The following SLC8A1 variants were observed in gnomAD, a reference collection of about 807,000 sequenced individuals.
The protein encoded by SLC8A1 is solute carrier family 8 member A1, also known as sodium/calcium exchanger 1.
SLC8A1 carries 18 observed loss-of-function variants against 68.3 expected under a neutral mutation model. The observed-to-expected ratio is 0.26, with a 90% CI of 0.18 to 0.39. The LOEUF (loss-of-function observed/expected upper bound fraction) is 0.39. Ranked by LOEUF, SLC8A1 falls within the 10% of genes least tolerant of loss-of-function variation. The pLI, the probability that SLC8A1 is intolerant of heterozygous loss-of-function variation, is 1.00. For missense variants in SLC8A1, 985 were observed against 1,156.7 expected (o/e 0.85, Z 2.15); for synonymous variants, 475 against 415.5 (o/e 1.14, Z -1.74).
chr2:40,429,602 G>A, exon 2 of SLC8A1: 1 of 1,613,742 alleles, frequency 6.2e-7, no homozygotes, highest in Non-Finnish European at 8.5e-7. Context: ...ACAACACCAG[G>A]AGATATGACA....
chr2:40,216,967 T>C (rs2057589031), intron 2 of SLC8A1, among the ~76,000 whole-genome samples: 1 of 152,238 alleles, frequency 6.6e-6, no homozygotes, highest in African/African-American at 2.4e-5. Context: ...ACTCTGAGGA[T>C]AGTTTCTTTT....
intron 2 of SLC8A1, among the ~76,000 whole-genome samples, chr2:40,236,422 A>C (rs1038891776): frequency 9.5e-4 from 144 of 152,012 alleles, no homozygotes; most frequent in African/African-American, 3.0e-3. Context: ...AGGATTGCAA[A>C]CCCTGCCTTT....
chr2:40,377,805 A>G (rs773083755), intron 2 of SLC8A1, among the ~76,000 whole-genome samples: 22 of 152,124 alleles, frequency 1.4e-4, no homozygotes, highest in Non-Finnish European at 2.6e-4. Context: ...TATAGATGAC[A>G]AAGTAGAGCC....
chr2:40,367,740 G>A (rs186802966), intron 2 of SLC8A1, among the ~76,000 whole-genome samples: 26 of 152,044 alleles, frequency 1.7e-4, no homozygotes, highest in African/African-American at 5.8e-4. Context: ...ACAACATGTA[G>A]CGAGACAATA....
chr2:40,232,235 T>C (rs1000719089), intron 2 of SLC8A1, among the ~76,000 whole-genome samples: 3 of 152,054 alleles, frequency 2.0e-5, no homozygotes, highest in African/African-American at 7.2e-5. Flanking sequence ...TTCAAACTCT[T>C]AACTCTGGGC....
At chr2:40,329,602 C>A (rs897948772) in intron 2 of SLC8A1, among the ~76,000 whole-genome samples, 4 of 152,106 alleles carry the variant, frequency 2.6e-5, no homozygotes, top group Non-Finnish European at 5.9e-5. Context: ...TCCAATCAGC[C>A]CTATGACGTA....
chr2:40,127,968 G>A (rs1009453110), intron 7 of SLC8A1, among the ~76,000 whole-genome samples: 3 of 152,302 alleles, frequency 2.0e-5, no homozygotes, highest in Admixed American at 1.3e-4. Context: ...ACAATGCAAA[G>A]CATCTGATGG....
chr2:40,159,704 G>A (rs2045314690), intron 6 of SLC8A1, among the ~76,000 whole-genome samples: 2 of 152,224 alleles, frequency 1.3e-5, no homozygotes, highest in South Asian at 4.2e-4. Flanking sequence ...CTCCTGAGCA[G>A]TTACCCACCA....
At chr2:40,209,728 A>C (rs1309102223) in intron 2 of SLC8A1, among the ~76,000 whole-genome samples, 5 of 152,136 alleles carry the variant, frequency 3.3e-5, no homozygotes, top group Admixed American at 3.3e-4. Context: ...AGATGTGGTC[A>C]TGGGAGTCTG....
At chr2:40,317,518 C>G (rs534859945) in intron 2 of SLC8A1, among the ~76,000 whole-genome samples, 16 of 152,164 alleles carry the variant, frequency 1.1e-4, no homozygotes, top group Non-Finnish European at 2.4e-4. Flanking sequence ...ATTATAGGCT[C>G]ACTTGGTCTT....
chr2:40,235,142 T>C (rs1558881557), intron 2 of SLC8A1, among the ~76,000 whole-genome samples: 3 of 152,190 alleles, frequency 2.0e-5, no homozygotes, highest in East Asian at 1.9e-4. Context: ...TTCCCTCTTT[T>C]TCTATTGATT....
intron 2 of SLC8A1, among the ~76,000 whole-genome samples, chr2:40,285,710 T>C (rs903561235): frequency 1.3e-5 from 2 of 152,202 alleles, no homozygotes; most frequent in Admixed American, 1.3e-4. Context: ...TAGGGAAACT[T>C]GCAGTGCTTT....
intron 7 of SLC8A1, among the ~76,000 whole-genome samples, chr2:40,133,373 A>T (rs2039785745): frequency 8.0e-6 from 1 of 125,530 alleles, no homozygotes; most frequent in African/African-American, 3.1e-5. Flanking sequence ...TTTATTAAAA[A>T]GGTTCTATAT....
chr2:40,430,804 C>T (rs1408918562), intron 1 of SLC8A1, among the ~76,000 whole-genome samples: 1 of 152,064 alleles, frequency 6.6e-6, no homozygotes, highest in African/African-American at 2.4e-5. Flanking sequence ...CTTTGAAAAT[C>T]AGACTCCGAA....
intron 1 of SLC8A1, among the ~76,000 whole-genome samples, chr2:40,439,441 C>T (rs1469923092): frequency 6.6e-6 from 1 of 152,082 alleles, no homozygotes; most frequent in Non-Finnish European, 1.5e-5. Context: ...GCAGCCCCTA[C>T]TCTTTTTCTT....
chr2:40,342,822 C>T (rs924723463), intron 2 of SLC8A1, among the ~76,000 whole-genome samples: 1 of 152,152 alleles, frequency 6.6e-6, no homozygotes, highest in Non-Finnish European at 1.5e-5. Context: ...ACAGATCACT[C>T]ACTGCAAATA....
At chr2:40,273,100 G>A (rs1274203891) in intron 2 of SLC8A1, among the ~76,000 whole-genome samples, 2 of 152,076 alleles carry the variant, frequency 1.3e-5, no homozygotes, top group South Asian at 2.1e-4. Flanking sequence ...GCGCCACCAA[G>A]TCCGGCTAAT....
intron 2 of SLC8A1, among the ~76,000 whole-genome samples, chr2:40,232,761 A>G (rs1444393842): frequency 3.0e-5 from 2 of 65,944 alleles, no homozygotes; most frequent in Admixed American, 4.1e-4. Context: ...CCGCCACCCC[A>G]CAACAGTCCC....
At chr2:40,193,792 A>G (rs143828573) in intron 2 of SLC8A1, among the ~76,000 whole-genome samples, 3 of 152,262 alleles carry the variant, frequency 2.0e-5, no homozygotes, top group African/African-American at 7.2e-5. Context: ...AGAAGATATT[A>G]TCTCCTGGAC....
Sources: allele counts gnomAD v4.1 joint callset (sites outside exome capture counted in the v4.1 genomes callset), GRCh38; gene constraint gnomAD v4.1.1; transcripts MANE v1.5; gene names NCBI Gene and HGNC (gene_info 2026-07-23, HGNC 2026-07-21).